Variants in PLXNA4 observed in about 807,000 individuals in gnomAD.
The protein encoded by PLXNA4 is plexin A4.
Under a neutral mutation model 191.8 loss-of-function variants are expected in PLXNA4, and 44 were observed. The ratio of observed to expected loss-of-function variants is 0.23; its 90% CI spans 0.18 to 0.29. The LOEUF (loss-of-function observed/expected upper bound fraction) is 0.29, where lower values mean the gene tolerates loss of function less well. Among genes scored for constraint, PLXNA4 ranks in the 10% least tolerant of loss-of-function variants. The probability of loss-of-function intolerance (pLI) is 1.00; values close to 1 mark genes in which losing one functional copy is unlikely to be tolerated. For synonymous variants in PLXNA4, 1,082 were observed against 1,009.5 expected (o/e 1.07, Z -1.36); for missense variants, 1,800 against 2,488.8 (o/e 0.72, Z 5.89).
At chr7:132,517,961 G>A (rs1450085069) in intron 1 of PLXNA4, among the ~76,000 whole-genome samples, 3 of 152,168 alleles carry the variant, frequency 2.0e-5, no homozygotes, top group Non-Finnish European at 4.4e-5. Context: ...TCAACATAGC[G>A]TCTTCAGTAA....
chr7:132,158,673 A>G (rs910606785), intron 25 of PLXNA4, among the ~76,000 whole-genome samples: 1 of 152,126 alleles, frequency 6.6e-6, no homozygotes, highest in East Asian at 1.9e-4. Context: ...AGGTTACTTG[A>G]CCAGGGACAC....
chr7:132,323,073 G>T (rs1802235362), intron 3 of PLXNA4, among the ~76,000 whole-genome samples: 1 of 152,220 alleles, frequency 6.6e-6, no homozygotes, highest in African/African-American at 2.4e-5. Flanking sequence ...GAAATTCACA[G>T]AGGGAAAAGA....
chr7:132,321,959 C>T (rs542463421), intron 3 of PLXNA4, among the ~76,000 whole-genome samples: 109 of 152,160 alleles, frequency 7.2e-4, no homozygotes, highest in Admixed American at 2.2e-3. Flanking sequence ...ACCCAGTTTC[C>T]GTGCCTTTTT....
intron 2 of PLXNA4, among the ~76,000 whole-genome samples, chr7:132,616,882 C>A (rs1354454363): frequency 2.6e-5 from 4 of 152,088 alleles, no homozygotes; most frequent in African/African-American, 9.7e-5. Flanking sequence ...ACAGAAGGAC[C>A]CTACTCTCCA....
chr7:132,384,856 C>A lies in PLXNA4; in HGVS notation c.1372-86634G>T, dbSNP rs1259504412. On this transcript the variant is annotated intron_variant, in intron 3 of 31. Transcript: ENST00000321063. ...TAAGGTTATCCTACCATATATCAGG[C>A]CCAAGAGATAACTATATTCCGATGG... The A allele has an allele frequency of 4.2e-5, 49 of 1,172,012 alleles. No homozygotes were observed. In the South Asian group the frequency reaches 8.2e-4, roughly 20 times the overall value. 72.6% of individuals were successfully genotyped at this position (1,172,012 alleles called of 1,614,324 possible).
intron 3 of PLXNA4, among the ~76,000 whole-genome samples, chr7:132,394,111 C>G (rs1793644125): frequency 6.6e-6 from 1 of 152,058 alleles, no homozygotes; most frequent in Admixed American, 6.6e-5. Context: ...CTGGCCAAGA[C>G]CCAGGATACA....
At chr7:132,405,855 A>G (rs1794198070) in intron 3 of PLXNA4, among the ~76,000 whole-genome samples, 1 of 152,176 alleles carries the variant, frequency 6.6e-6, no homozygotes, top group South Asian at 2.1e-4. Context: ...ACCAGGATGA[A>G]ACCCAGGAAA....
chr7:132,577,928 CAT>C (rs1206533294), upstream of PLXNA4, among the ~76,000 whole-genome samples: 1 of 152,176 alleles, frequency 6.6e-6, no homozygotes, highest in Non-Finnish European at 1.5e-5. Context: ...CACGAGAGAA[CAT>C]GAGTGGCCAG....
At chr7:132,132,463 T>TCTGC (rs1794978816) in intron 31 of PLXNA4, among the ~76,000 whole-genome samples, 64 of 65,582 alleles carry the variant, frequency 9.8e-4, no homozygotes, top group Admixed American at 1.4e-3. Flanking sequence ...TTCTGTTCTG[T>TCTGC]TCTGCTCTGC....
chr7:132,417,120 C>T (rs952334171), intron 3 of PLXNA4, among the ~76,000 whole-genome samples: 41 of 152,108 alleles, frequency 2.7e-4, no homozygotes, highest in African/African-American at 9.7e-4. Context: ...TACAGGGACT[C>T]CCGCTTCCCC....
At chr7:132,268,294 C>T (rs1435329966) in intron 4 of PLXNA4, among the ~76,000 whole-genome samples, 1 of 152,224 alleles carries the variant, frequency 6.6e-6, no homozygotes, top group Non-Finnish European at 1.5e-5. Flanking sequence ...CTATTTTATG[C>T]TTGCCCCTAG....
At chr7:132,177,519 C>T (rs1207381375) in intron 20 of PLXNA4, among the ~76,000 whole-genome samples, 4 of 152,188 alleles carry the variant, frequency 2.6e-5, no homozygotes, top group Non-Finnish European at 1.5e-5. Flanking sequence ...CAGCATAGCT[C>T]GCCCCTAAAG....
intron 3 of PLXNA4, among the ~76,000 whole-genome samples, chr7:132,488,515 G>T (rs1797653546): frequency 6.6e-6 from 1 of 152,156 alleles, no homozygotes; most frequent in Admixed American, 6.5e-5. Flanking sequence ...GCAATTATTG[G>T]CCAACAGGAA....
chr7:132,635,135 G>T (rs1585419807), intron 2 of PLXNA4, among the ~76,000 whole-genome samples: 1 of 149,484 alleles, frequency 6.7e-6, no homozygotes, highest in East Asian at 2.0e-4. Context: ...GTGGGACCTT[G>T]TGATGGTGTG....
At chr7:132,623,959 A>C (rs58020406) in intron 2 of PLXNA4, among the ~76,000 whole-genome samples, 5,277 of 152,354 alleles carry the variant, frequency 0.035, 476 homozygotes, top group East Asian at 0.28. Context: ...GAATGAAAGA[A>C]TAAAGGAAGC....
chr7:132,170,629 T>A (rs1584790490), intron 21 of PLXNA4, among the ~76,000 whole-genome samples: 1 of 152,154 alleles, frequency 6.6e-6, no homozygotes, highest in African/African-American at 2.4e-5. Flanking sequence ...GGAGGCCGGG[T>A]TCAGTCAGAT....
chr7:132,133,162 C>T lies in PLXNA4; in HGVS notation c.5476G>A (p.Asp1826Asn). The change falls in exon 31 of 32, where the codon GAC (aspartate) becomes AAC (asparagine). Residue 1826 changes from aspartate (D) to asparagine (N), a missense_variant. Physicochemically the swap from Asp to Asn is conservative, Grantham distance 23. Around this residue, in one of 6 missense-constraint regions of PLXNA4, gnomAD observed 101 missense variants for 182.8 expected, o/e 0.55. Coordinates refer to ENST00000321063, the MANE Select transcript of PLXNA4 (RefSeq NM_020911.2). ...GCCAGGTATGCGTTCATGTCTTGGTCGCTGATGGCTGGCATCTTCCCTATG... is the reference window on the plus strand; with the variant it reads ...GCCAGGTATGCGTTCATGTCTTGGTTGCTGATGGCTGGCATCTTCCCTATG... ...SDIGKMPAIS[D>N]QDMNAYLAEQ... is the part of the protein sequence containing the mutation. 6.2e-7 allele frequency: 1 copy of T among 1,614,122 alleles called. No individual in the cohort carries two copies. Among genetic ancestry groups the T allele is most frequent in the Non-Finnish European group, 8.5e-7 (1 of 1,180,022 alleles).
rs200400813 is a variant in PLXNA4 at position 132,145,230 on chromosome 7, C to T, written c.5114G>A (p.Arg1705His). The change falls in exon 29 of 32, where the codon CGT becomes CAT. Residue 1705 changes from arginine to histidine, a missense_variant. Physicochemically the swap from Arg to His is conservative, Grantham distance 29. Around this residue, in one of 6 missense-constraint regions of PLXNA4, gnomAD observed 101 missense variants for 182.8 expected, o/e 0.55. Coordinates refer to ENST00000321063, the MANE Select transcript of PLXNA4 (RefSeq NM_020911.2). Reference sequence around the variant, plus strand: ...GATGGCCAGGGGCAGGGCAGAGCCACGGTGTGCCGTGCTGAAGATGGTCTC... The same window carrying T: ...GATGGCCAGGGGCAGGGCAGAGCCATGGTGTGCCGTGCTGAAGATGGTCTC... ...LFETIFSTAHRGSALPLAIKY... is the reference protein window; with the variant it reads ...LFETIFSTAHHGSALPLAIKY... The T allele has an allele frequency of 4.0e-5, 64 of 1,614,104 alleles. No homozygotes were observed. Among genetic ancestry groups the T allele is most frequent in the Non-Finnish European group, 2.5e-6 (3 of 1,180,042 alleles).
At chr7:132,428,197 G>A (rs370447824) in intron 3 of PLXNA4, among the ~76,000 whole-genome samples, 11 of 152,204 alleles carry the variant, frequency 7.2e-5, no homozygotes, top group Admixed American at 3.9e-4. Flanking sequence ...TAGCGGGGAC[G>A]TCCCAGGAGG....
Sources: gnomAD v4.1 joint callset for allele counts (sites outside exome capture counted in the v4.1 genomes callset) on GRCh38, gnomAD v4.1.1 for gene constraint, gnomAD v4.1.1 regional missense constraint, MANE v1.5 for transcripts, NCBI Gene and HGNC (gene_info 2026-07-23, HGNC 2026-07-21) for gene names.